Variants in BRINP3 observed in about 807,000 individuals in gnomAD.
The protein encoded by BRINP3 is BMP/retinoic acid-inducible neural-specific protein 3.
BRINP3 carries 19 observed loss-of-function variants against 71.0 expected under a neutral mutation model. The observed-to-expected ratio is 0.27, with a 90% confidence interval of 0.19 to 0.39. The LOEUF (loss-of-function observed/expected upper bound fraction) is 0.39, where lower values mean the gene tolerates loss of function less well. Ranked by LOEUF, BRINP3 falls within the 10% of genes least tolerant of loss-of-function variation. The pLI, the probability that BRINP3 is intolerant of heterozygous loss-of-function variation, is 1.00. For missense variants in BRINP3, 959 were observed against 940.8 expected (o/e 1.02, Z -0.25); for synonymous variants, 380 against 337.7 (o/e 1.13, Z -1.37).
At chr1:190,444,334 T>G (rs1222325338) in intron 2 of BRINP3, among the ~76,000 whole-genome samples, 1 of 151,472 alleles carries the variant, frequency 6.6e-6, no homozygotes, top group East Asian at 1.9e-4. Context: ...ATTTTCTTCT[T>G]TTGTGTACAA....
intron 2 of BRINP3, among the ~76,000 whole-genome samples, chr1:190,338,675 A>C (rs1667449296): frequency 1.3e-5 from 2 of 151,956 alleles, no homozygotes; most frequent in Admixed American, 6.6e-5. Flanking sequence ...TTGCTGTAAT[A>C]GTATTTTTTT....
At chr1:190,252,230 G>C (rs192530697) in intron 4 of BRINP3, among the ~76,000 whole-genome samples, 1 of 152,042 alleles carries the variant, frequency 6.6e-6, no homozygotes, top group Non-Finnish European at 1.5e-5. Context: ...TTCAAAATGA[G>C]AGAGATTCTG....
chr1:190,398,132 T>A (rs1671695383), intron 2 of BRINP3, among the ~76,000 whole-genome samples: 1 of 151,920 alleles, frequency 6.6e-6, no homozygotes, highest in African/African-American at 2.4e-5. Flanking sequence ...TTGTGATTCA[T>A]TATATGATTT....
chr1:190,101,948 G>C (rs575737017), intron 7 of BRINP3, among the ~76,000 whole-genome samples: 1 of 152,010 alleles, frequency 6.6e-6, no homozygotes, highest in South Asian at 2.1e-4. Flanking sequence ...AAAGCGTTTC[G>C]GCTGTTGGAT....
intron 2 of BRINP3, among the ~76,000 whole-genome samples, chr1:190,320,265 G>C (rs1358099259): frequency 6.6e-6 from 1 of 151,984 alleles, no homozygotes; most frequent in Non-Finnish European, 1.5e-5. Context: ...AGGTAAGAAA[G>C]ATTAATAATA....
At chr1:190,220,244 G>A (rs148760125) in intron 6 of BRINP3, among the ~76,000 whole-genome samples, 2 of 152,182 alleles carry the variant, frequency 1.3e-5, no homozygotes, top group East Asian at 3.9e-4. Context: ...CCTTTACAGG[G>A]ACATGGGTGA....
intron 7 of BRINP3, among the ~76,000 whole-genome samples, chr1:190,112,360 A>G (rs2102286201): frequency 6.6e-6 from 1 of 152,304 alleles, no homozygotes; most frequent in East Asian, 1.9e-4. Flanking sequence ...TGCTTGATTT[A>G]TGAGGATATA....
chr1:190,236,693 A>G (rs1313984219), intron 4 of BRINP3, among the ~76,000 whole-genome samples: 1 of 151,970 alleles, frequency 6.6e-6, no homozygotes, highest in Non-Finnish European at 1.5e-5. Flanking sequence ...GTTTAGAGAA[A>G]TAATGTATAG....
intron 2 of BRINP3, among the ~76,000 whole-genome samples, chr1:190,313,399 G>A (rs1665664747): frequency 1.3e-5 from 2 of 151,930 alleles, no homozygotes; most frequent in Admixed American, 1.3e-4. Context: ...AAGGGTGGTG[G>A]GGCAGGCAGT....
chr1:190,192,513 T>C (rs764743832), intron 6 of BRINP3, among the ~76,000 whole-genome samples: 4 of 149,716 alleles, frequency 2.7e-5, no homozygotes, highest in Non-Finnish European at 4.4e-5. Context: ...TCCTGTTTGA[T>C]ATTAGTTTAG....
chr1:190,262,329 C>T (rs1293111596), intron 4 of BRINP3, among the ~76,000 whole-genome samples: 2 of 152,142 alleles, frequency 1.3e-5, no homozygotes, highest in African/African-American at 4.8e-5. Flanking sequence ...AAATTAAACC[C>T]TGAAAGGTGT....
chr1:190,177,458 G>A (rs181206859), intron 6 of BRINP3, among the ~76,000 whole-genome samples: 70 of 151,048 alleles, frequency 4.6e-4, no homozygotes, highest in Admixed American at 1.5e-3. Flanking sequence ...GATTACAGGC[G>A]TGAGGCACCA....
chr1:190,431,958 T>C (rs1674126360), intron 2 of BRINP3, among the ~76,000 whole-genome samples: 1 of 152,168 alleles, frequency 6.6e-6, no homozygotes, highest in East Asian at 1.9e-4. Flanking sequence ...CGACCTCTAA[T>C]GTACATTTAT....
At chr1:190,136,579 C>T (rs976869294) in intron 7 of BRINP3, among the ~76,000 whole-genome samples, 3 of 152,154 alleles carry the variant, frequency 2.0e-5, no homozygotes, top group Admixed American at 1.3e-4. Context: ...AACAATGCTT[C>T]AGCTATTATT....
At chr1:190,460,599 T>C (rs1676323386) in intron 1 of BRINP3, among the ~76,000 whole-genome samples, 1 of 152,092 alleles carries the variant, frequency 6.6e-6, no homozygotes. Flanking sequence ...GAGACAGAGG[T>C]GGGCCTTAAG....
chr1:190,472,530 C>G (rs144986325), intron 1 of BRINP3, among the ~76,000 whole-genome samples: 1 of 151,698 alleles, frequency 6.6e-6, no homozygotes, highest in Non-Finnish European at 1.5e-5. Context: ...CGTCTGAACT[C>G]TTTTAATATT....
intron 2 of BRINP3, among the ~76,000 whole-genome samples, chr1:190,318,085 G>C (rs1442751191): frequency 6.6e-6 from 1 of 151,820 alleles, no homozygotes; most frequent in Non-Finnish European, 1.5e-5. Context: ...TCTTTATATT[G>C]GTAAATAATT....
intron 6 of BRINP3, among the ~76,000 whole-genome samples, chr1:190,171,111 T>C (rs1651970203): frequency 6.6e-6 from 1 of 152,068 alleles, no homozygotes; most frequent in Non-Finnish European, 1.5e-5. Flanking sequence ...AAAGTGAAGG[T>C]GGTGAGAGAT....
intron 7 of BRINP3, among the ~76,000 whole-genome samples, chr1:190,134,109 C>G (rs146014879): frequency 1.0e-3 from 156 of 151,630 alleles, no homozygotes; most frequent in African/African-American, 3.7e-3. Flanking sequence ...TTTAAGAAAG[C>G]GTTAAGTGCT....
Sources: gnomAD v4.1 joint callset for allele counts (sites outside exome capture counted in the v4.1 genomes callset) on GRCh38, gnomAD v4.1.1 for gene constraint, MANE v1.5 for transcripts, NCBI Gene and HGNC (gene_info 2026-07-23, HGNC 2026-07-21) for gene names.